Variants in EPB41L4B observed in about 807,000 individuals in gnomAD.
EPB41L4B encodes the protein band 4.1-like protein 4B.
A neutral mutation model predicts 112.5 loss-of-function variants in EPB41L4B; 30 were observed. The observed-to-expected ratio is 0.27, with a 90% CI of 0.20 to 0.36. The LOEUF (loss-of-function observed/expected upper bound fraction) is 0.36. EPB41L4B is among the 10% of genes least tolerant of loss of function. The pLI, the probability that EPB41L4B is intolerant of heterozygous loss-of-function variation, is 1.00. For missense variants in EPB41L4B, 1,024 were observed against 1,133.3 expected, an observed-to-expected ratio of 0.90 and a Z score of 1.38; for synonymous variants, 408 against 439.7, an observed-to-expected ratio of 0.93 and a Z score of 0.90.
intron 17 of EPB41L4B, among the ~76,000 whole-genome samples, chr9:109,212,715 T>C (rs897338745): frequency 3.3e-5 from 5 of 152,212 alleles, no homozygotes; most frequent in Admixed American, 6.5e-5. Context: ...AAAAAGATTC[T>C]TCCTTAGGGG....
At position 109,223,434 on chromosome 9, in the gene EPB41L4B, C is replaced by CAAA. The variant is rs35529450; in HGVS notation, c.1410-6292_1410-6290dup. 1.7e-3 allele frequency among the ~76,000 whole-genome samples: 220 copies of CAAA among 129,254 alleles called. 2 individuals are homozygous for CAAA. The East Asian group carries it at 0.022, about 13-fold the overall frequency. 84.8% of individuals were successfully genotyped at this position (129,254 alleles called of 152,430 possible). On this transcript the variant is annotated intron_variant, in intron 15 of 25. Coordinates refer to ENST00000374566, the MANE Select transcript of EPB41L4B (RefSeq NM_019114.5). ...TTAGGCAAGGAGCAAGACCCTGTCT[C>CAAA]AAAAAAAAAAAAAAAAAATTGTTGC... is the stretch of plus-strand genomic sequence containing the variant.
intron 15 of EPB41L4B, among the ~76,000 whole-genome samples, chr9:109,223,165 C>G (rs142530263): frequency 2.0e-5 from 3 of 152,212 alleles, no homozygotes; most frequent in South Asian, 2.1e-4. Flanking sequence ...CTAGGCCGGG[C>G]GCAATGGTTC....
chr9:109,206,654 G>A (rs10979746), intron 18 of EPB41L4B, among the ~76,000 whole-genome samples: 13,199 of 152,244 alleles, frequency 0.087, 875 homozygotes, highest in African/African-American at 0.18. Context: ...CTGCATTTAG[G>A]GTCACAGGGA....
At chr9:109,272,758 C>T (rs577726934) in intron 2 of EPB41L4B, among the ~76,000 whole-genome samples, 73 of 152,144 alleles carry the variant, frequency 4.8e-4, no homozygotes, top group African/African-American at 1.7e-3. Context: ...ATCTCAAATA[C>T]ATATATATAG....
At chr9:109,264,863 G>T in intron 5 of EPB41L4B, 117 bp downstream of exon 5, 2 of 781,720 alleles carry the variant, frequency 2.6e-6, no homozygotes, top group Non-Finnish European at 2.0e-6. Flanking sequence ...ACAATGCCTG[G>T]TGCACTTTTT....
At chr9:109,196,819 T>A (rs1485457724) in intron 20 of EPB41L4B, among the ~76,000 whole-genome samples, 2 of 150,950 alleles carry the variant, frequency 1.3e-5, no homozygotes, top group Non-Finnish European at 3.0e-5. Context: ...ACATTTTCCC[T>A]CCTTGTCATA....
At chr9:109,191,443 G>A (rs567398496) in intron 22 of EPB41L4B, among the ~76,000 whole-genome samples, 3 of 152,264 alleles carry the variant, frequency 2.0e-5, no homozygotes, top group Admixed American at 2.0e-4. Flanking sequence ...GAGATACCCT[G>A]AGATGTGAGC....
chr9:109,243,293 A>G (rs961157681), intron 15 of EPB41L4B, among the ~76,000 whole-genome samples: 38 of 152,028 alleles, frequency 2.5e-4, no homozygotes, highest in African/African-American at 8.9e-4. Context: ...ATCACATTTA[A>G]AGTAAACAAA....
chr9:109,224,865 G>A (rs181258820), intron 15 of EPB41L4B, among the ~76,000 whole-genome samples: 13 of 152,268 alleles, frequency 8.5e-5, no homozygotes, highest in Non-Finnish European at 1.6e-4. Context: ...ATGGGGGCTC[G>A]CTATGGGGAG....
At chr9:109,270,137 G>A (rs896461820) in intron 2 of EPB41L4B, among the ~76,000 whole-genome samples, 33 of 151,992 alleles carry the variant, frequency 2.2e-4, no homozygotes, top group African/African-American at 4.8e-4. Context: ...CAACAAAGAC[G>A]GATTAGAAAA....
chr9:109,196,359 T>C (rs1286766611), intron 20 of EPB41L4B: 1 of 152,060 alleles, frequency 6.6e-6, no homozygotes, highest in Non-Finnish European at 1.5e-5. Flanking sequence ...AACAGTGAAG[T>C]TATATTTCTG....
At chr9:109,307,320 C>A (rs1351953728) in intron 1 of EPB41L4B, 2 of 440,720 alleles carry the variant, frequency 4.5e-6, no homozygotes, top group Admixed American at 5.8e-5. Context: ...CAAAATAAAT[C>A]CCATAGCTCT....
intron 24 of EPB41L4B, among the ~76,000 whole-genome samples, chr9:109,178,964 C>A (rs1831951616): frequency 7.2e-6 from 1 of 138,150 alleles, no homozygotes; most frequent in African/African-American, 2.7e-5. Context: ...GTAAAAATTA[C>A]ATTATTAAAT....
intron 1 of EPB41L4B, among the ~76,000 whole-genome samples, chr9:109,298,605 C>T (rs1836831029): frequency 6.6e-6 from 1 of 152,216 alleles, no homozygotes. Flanking sequence ...AGCCACGGCG[C>T]CTGGCCCATA....
intron 1 of EPB41L4B, among the ~76,000 whole-genome samples, chr9:109,317,322 C>G (rs143015392): frequency 1.3e-3 from 191 of 152,342 alleles, no homozygotes; most frequent in African/African-American, 4.4e-3. Context: ...ATTCCCCCAT[C>G]CCATCCGGCC....
At chr9:109,298,950 T>C (rs1836848808) in intron 1 of EPB41L4B, among the ~76,000 whole-genome samples, 1 of 152,086 alleles carries the variant, frequency 6.6e-6, no homozygotes, top group Admixed American at 6.6e-5. Context: ...CCCCCCACAG[T>C]CCCTATACCT....
rs760195394 is a variant in EPB41L4B, at chr9:109,213,780, C to T, written c.1672G>A (p.Ala558Thr). The change falls in exon 17 of 26, where the codon GCT (alanine) becomes ACT (threonine). Residue 558 changes from alanine (A) to threonine (T), a missense_variant. Ala to Thr is a moderately conservative substitution (Grantham distance 58). Coordinates refer to ENST00000374566, the MANE Select transcript of EPB41L4B (RefSeq NM_019114.5). ...PGTPALFSEA[A>T]AHLKKLELET... is the part of the protein sequence containing the mutation. The stretch of plus-strand genomic sequence containing the variant: ...AGTTCCAGCTTCTTTAGATGGGCAG[C>T]GGCTTCACTGAACAAGGCAGGTGTT... 1.6e-5 allele frequency: 26 copies of T among 1,613,970 alleles called. No individual in the cohort carries two copies. Among genetic ancestry groups the T allele is most frequent in the South Asian group, 6.6e-5 (6 of 91,084 alleles).
intron 15 of EPB41L4B, among the ~76,000 whole-genome samples, chr9:109,242,922 A>G (rs2118967458): frequency 6.6e-6 from 1 of 151,782 alleles, no homozygotes; most frequent in Non-Finnish European, 1.5e-5. Context: ...CAGTTGGCTT[A>G]GAAAGGATTA....
intron 15 of EPB41L4B, among the ~76,000 whole-genome samples, 173 bp from the exon 16 acceptor site, chr9:109,217,318 C>T (rs1336417702): frequency 1.3e-5 from 2 of 151,972 alleles, no homozygotes; most frequent in African/African-American, 4.8e-5. Context: ...AGAAAAAGAG[C>T]AAAGTGGAAG....
Sources: allele counts gnomAD v4.1 joint callset (sites outside exome capture counted in the v4.1 genomes callset), GRCh38; gene constraint gnomAD v4.1.1; transcripts MANE v1.5; gene names NCBI Gene and HGNC (gene_info 2026-07-23, HGNC 2026-07-21).